TMEM14A: variants seen among roughly 807,000 people sequenced by gnomAD.
The protein encoded by TMEM14A is transmembrane protein 14A.
A neutral mutation model predicts 11.6 loss-of-function variants in TMEM14A; 8 were observed. That is an observed-to-expected ratio of 0.69 (90% confidence interval 0.40 to 1.24). The LOEUF is 1.24. Ranked by LOEUF, TMEM14A falls within the 50% of genes most tolerant of loss-of-function variation. The pLI is 0.01. For synonymous variants in TMEM14A, 34 were observed against 45.5 expected (o/e 0.75, Z 1.02); for missense variants, 108 against 121.9 (o/e 0.89, Z 0.54).
intron 3 of TMEM14A, 25 bp from the exon 4 acceptor site, chr6:52,684,053 G>A (rs1175883828): frequency 1.9e-6 from 3 of 1,605,762 alleles, no homozygotes; most frequent in Non-Finnish European, 2.6e-6. Context: ...TGAAACTCTG[G>A]TTCATGAATT....
intron 2 of TMEM14A, among the ~76,000 whole-genome samples, chr6:52,679,749 C>T (rs1327586715): frequency 6.6e-6 from 1 of 152,032 alleles, no homozygotes; most frequent in African/African-American, 2.4e-5. Flanking sequence ...GTCTCAAGAA[C>T]CTTCCTGGTT....
At chr6:52,679,581 C>T (rs1247179613) in intron 2 of TMEM14A, among the ~76,000 whole-genome samples, 1 of 152,096 alleles carries the variant, frequency 6.6e-6, no homozygotes, top group Non-Finnish European at 1.5e-5. Context: ...GATCAGGCAT[C>T]CCAGGAAGTG....
chr6:52,680,682 T>TATATGTGTATATATATATATAC (rs1561875101), intron 2 of TMEM14A, among the ~76,000 whole-genome samples: 7 of 50,754 alleles, frequency 1.4e-4, no homozygotes, highest in African/African-American at 4.6e-4. Context: ...TATATATATA[T>TATATGTGTATATATATATATAC]ACATATATGT....
In TMEM14A at chr6:52,686,135, C is replaced by T. The variant is rs954165768; in HGVS notation, c.*86C>T. On this transcript the variant is annotated 3_prime_UTR_variant, in exon 5 of 5. Transcript: ENST00000211314. ...TTTTTTGTATTTAAAAGATAAACTT[C>T]AATATGGAATGCTAGAAACACAAAT... 2.0e-5 allele frequency: 26 copies of T among 1,292,956 alleles called. No individual in the cohort carries two copies. The African/African-American group carries it at 3.0e-4, about 15-fold the overall frequency. 80.1% of individuals were successfully genotyped at this position (1,292,956 alleles called of 1,614,324 possible). A position where few individuals can be genotyped will look rare whatever the true frequency, so the allele number is the denominator to read the frequency against.
In TMEM14A at chr6:52,677,181, A is replaced by T. The variant is rs373705354; in HGVS notation, c.70+9A>T. 250 of 1,614,122 alleles carry T rather than the reference A, an allele frequency of 1.5e-4. 1 individual carries two copies. The African/African-American group carries it at 2.9e-3, about 19-fold the overall frequency. On this transcript the variant is annotated intron_variant, in intron 2 of 4. Coordinates refer to ENST00000211314, the MANE Select transcript of TMEM14A (RefSeq NM_014051.4). ...TGGATATAAGCGGAGAGGTAAGCCT[A>T]ACCCAAATTTTCATGAAAGGGAATT...
intron 2 of TMEM14A, among the ~76,000 whole-genome samples, chr6:52,678,561 C>T (rs1320883436): frequency 6.6e-6 from 1 of 152,086 alleles, no homozygotes; most frequent in African/African-American, 2.4e-5. Context: ...ATTATGGGTT[C>T]ACAAGGAAGC....
intron 2 of TMEM14A, 74 bp downstream of exon 2, chr6:52,677,246 T>C (rs1262908929): frequency 6.7e-7 from 1 of 1,501,704 alleles, no homozygotes; most frequent in Non-Finnish European, 9.3e-7. Flanking sequence ...TGTGAGGCTC[T>C]GTAAGTAGGA....
At chr6:52,684,251 A>C (rs1769451376) in intron 4 of TMEM14A, 86 bp downstream of exon 4, 1 of 1,210,988 alleles carries the variant, frequency 8.3e-7, no homozygotes, top group South Asian at 1.4e-5. Context: ...TTAATTTGAA[A>C]GATCAAAGTC....
At position 52,681,594 on chromosome 6, in the gene TMEM14A, T is replaced by C. The variant is rs112243997; in HGVS notation, c.71-219T>C. On this transcript the variant is annotated intron_variant, in intron 2 of 4. Coordinates refer to ENST00000211314, the MANE Select transcript of TMEM14A (RefSeq NM_014051.4). ...GACATCTAACCCCACTGCACTGCTGTGCCCTCAGGGCTCCTCTGCCTTGCA... is the reference window on the plus strand; with the variant it reads ...GACATCTAACCCCACTGCACTGCTGCGCCCTCAGGGCTCCTCTGCCTTGCA... 2.4e-3 allele frequency among the ~76,000 whole-genome samples: 371 copies of C among 152,346 alleles called. 1 individual carries two copies. Among genetic ancestry groups the C allele is most frequent in the African/African-American group, 8.6e-3 (359 of 41,582 alleles).
chr6:52,676,915 C>T (rs562629432), intron 1 of TMEM14A, among the ~76,000 whole-genome samples, 172 bp from the exon 2 acceptor site: 6 of 152,252 alleles, frequency 3.9e-5, no homozygotes, highest in South Asian at 4.2e-4. Context: ...CAGCCACCCC[C>T]GTGATCCAGT....
chr6:52,683,233 G>A (rs1275837677), intron 3 of TMEM14A, among the ~76,000 whole-genome samples: 1 of 152,128 alleles, frequency 6.6e-6, no homozygotes, highest in Non-Finnish European at 1.5e-5. Flanking sequence ...GCTGAGGCCG[G>A]TGGATCACTT....
chr6:52,672,364 A>G (rs1769178060), intron 1 of TMEM14A, among the ~76,000 whole-genome samples: 1 of 152,086 alleles, frequency 6.6e-6, no homozygotes, highest in African/African-American at 2.4e-5. Flanking sequence ...AGTGGAATTA[A>G]TCTTTCACAA....
chr6:52,680,706 C>CATATATGTATATATATATATATATAT (rs1397954310), intron 2 of TMEM14A, among the ~76,000 whole-genome samples: 1 of 24,488 alleles, frequency 4.1e-5, no homozygotes, highest in East Asian at 1.4e-3. Flanking sequence ...TATATATATA[C>CATATATGTATATATATATATATATAT]ACATATATAT....
rs1352415278 is a variant in TMEM14A at position 52,680,665 on chromosome 6, A to ATATACATATATGTGTG, written c.71-1147_71-1146insATACATATATGTGTGT. Reference sequence around the variant, plus strand: ...TGTATATATATGTGTGTGTATATATATGTGTATATATATATATACATATAT... The same window carrying ATATACATATATGTGTG: ...TGTATATATATGTGTGTGTATATATATATACATATATGTGTGTGTGTATATATATATATACATATAT... On this transcript the variant is annotated intron_variant, in intron 2 of 4. Transcript: ENST00000211314. Among the ~76,000 whole-genome samples the ATATACATATATGTGTG allele has an allele frequency of 9.1e-4, 43 of 47,210 alleles. 2 individuals are homozygous for ATATACATATATGTGTG. In the South Asian group the frequency reaches 0.024, roughly 26 times the overall value. 31.0% of individuals were successfully genotyped at this position (47,210 alleles called of 152,430 possible).
intron 1 of TMEM14A, among the ~76,000 whole-genome samples, chr6:52,674,968 G>A (rs889087126): frequency 1.3e-5 from 2 of 149,490 alleles, no homozygotes; most frequent in Non-Finnish European, 3.0e-5. Context: ...CCTCTGCCTC[G>A]CAGGTTCAAG....
Position 52,686,041 on chromosome 6 carries a change from C to G in TMEM14A, c.292C>G (p.Leu98Val). The change falls in exon 5 of 5, where the codon CTG becomes GTG. Residue 98 changes from leucine (L) to valine (V), a missense_variant. Leu to Val is a conservative substitution (Grantham distance 32). Coordinates refer to ENST00000211314, the MANE Select transcript of TMEM14A (RefSeq NM_014051.4). ...LMMILRLVLL[L>V]L is the part of the protein sequence containing the mutation. ...GATGATCCTGAGACTTGTCTTGTTGCTGCTCTGAGCATCTGGAGGAACAGA... is the reference window on the plus strand; with the variant it reads ...GATGATCCTGAGACTTGTCTTGTTGGTGCTCTGAGCATCTGGAGGAACAGA... 1.9e-6 allele frequency: 3 copies of G among 1,611,840 alleles called. No homozygotes were observed. Among genetic ancestry groups the G allele is most frequent in the Non-Finnish European group, 2.5e-6 (3 of 1,178,986 alleles).
At chr6:52,673,925 A>G (rs1240464751) in intron 1 of TMEM14A, among the ~76,000 whole-genome samples, 2 of 152,222 alleles carry the variant, frequency 1.3e-5, no homozygotes, top group East Asian at 1.9e-4. Flanking sequence ...GTCAAGCTTA[A>G]AATAGGTGTA....
intron 1 of TMEM14A, among the ~76,000 whole-genome samples, chr6:52,673,376 G>C (rs971619371): frequency 5.9e-5 from 9 of 152,162 alleles, no homozygotes; most frequent in Middle Eastern, 6.8e-3. Context: ...GCCAGGTAGA[G>C]GTCATTGAGG....
Position 52,683,987 on chromosome 6 carries a change from T to C in TMEM14A, c.173-91T>C, listed in dbSNP as rs1769444425. 3 of 1,185,892 alleles carry C rather than the reference T, an allele frequency of 2.5e-6. No homozygotes were observed. The African/African-American group carries it at 4.6e-5, about 18-fold the overall frequency. 73.5% of individuals were successfully genotyped at this position (1,185,892 alleles called of 1,614,324 possible). ...CAGTACCTATCCATAATAGTTGTAA[T>C]GTTAGAAAGCTTTAAATGGTACCCG... On this transcript the variant is annotated intron_variant, in intron 3 of 4. Transcript: ENST00000211314.
Sources: gnomAD v4.1 joint callset for allele counts (sites outside exome capture counted in the v4.1 genomes callset) on GRCh38, gnomAD v4.1.1 for gene constraint, MANE v1.5 for transcripts, NCBI Gene and HGNC (gene_info 2026-07-23, HGNC 2026-07-21) for gene names.